The following ARHGAP33 variants were observed in gnomAD, a reference collection of about 807,000 sequenced individuals.
ARHGAP33 encodes Rho GTPase activating protein 33.
A neutral mutation model predicts 126.2 loss-of-function variants in ARHGAP33; 57 were observed. That is an observed-to-expected ratio of 0.45 (90% CI 0.36 to 0.56). The LOEUF is 0.56. Among genes scored for constraint, ARHGAP33 ranks in the 20% least tolerant of loss-of-function variants. The pLI, the probability that ARHGAP33 is intolerant of heterozygous loss-of-function variation, is 0.00. For missense variants in ARHGAP33, 1,500 were observed against 1,748.3 expected, an observed-to-expected ratio of 0.86 and a Z score of 2.53; for synonymous variants, 711 against 755.0, an observed-to-expected ratio of 0.94 and a Z score of 0.95.
At position 35,782,406 on chromosome 19, in the gene ARHGAP33, G is replaced by A. The variant is rs35297478; in HGVS notation, c.1119G>A (p.Leu373=). ...HEFDSERIPE[L]SGPAFLQDIH... ...TTGACAGTGAGAGGATCCCGGAGCTGTCTGGCCCTGCATTCCTGCAGGACA... is the reference window on the plus strand; with the variant it reads ...TTGACAGTGAGAGGATCCCGGAGCTATCTGGCCCTGCATTCCTGCAGGACA... The change falls in exon 13 of 21, where the codon CTG becomes CTA. Residue 373 remains leucine (L), a synonymous_variant. Transcript: ENST00000007510. The surrounding 1 kb of genome is among the most constrained non-coding windows in gnomAD (Gnocchi z 4.1). 0.11 allele frequency: 172,269 copies of A among 1,611,142 alleles called. 10,580 individuals carry two copies. Among genetic ancestry groups the A allele is most frequent in the Admixed American group, 0.22 (13,001 of 59,974 alleles).
rs1243844279 is a variant in ARHGAP33, at chr19:35,782,547, G to A, written c.1230+30G>A. On this transcript the variant is annotated intron_variant, in intron 13 of 20. Transcript: ENST00000007510. The surrounding 1 kb of genome is among the most constrained non-coding windows in gnomAD (Gnocchi z 4.1). Reference sequence around the variant, plus strand: ...GTAAGGGAGCTGGCGGGACGGAGGGGGCCGGGACGCCTCTGGCCCAGACCT... The same window carrying A: ...GTAAGGGAGCTGGCGGGACGGAGGGAGCCGGGACGCCTCTGGCCCAGACCT... 9.9e-6 allele frequency: 16 copies of A among 1,613,516 alleles called. No individual in the cohort carries two copies. In the East Asian group the frequency reaches 2.7e-4, roughly 27 times the overall value.
chr19:35,775,856 C>T (rs1434319578), intron 1 of ARHGAP33, among the ~76,000 whole-genome samples, 192 bp downstream of exon 1: 3 of 152,136 alleles, frequency 2.0e-5, no homozygotes, highest in African/African-American at 4.8e-5. Flanking sequence ...GCGCGCATCC[C>T]CGTCTTCCAC....
At position 35,780,347 on chromosome 19, in the gene ARHGAP33, G is replaced by A. The variant is rs766268446; in HGVS notation, c.624+14G>A. 1.2e-6 allele frequency: 2 copies of A among 1,613,372 alleles called. No individual in the cohort carries two copies. Among genetic ancestry groups the A allele is most frequent in the East Asian group, 4.5e-5 (2 of 44,848 alleles). On this transcript the variant is annotated intron_variant, in intron 7 of 20. Coordinates refer to ENST00000007510, the MANE Select transcript of ARHGAP33 (RefSeq NM_001366178.1). ...CTGTCCTTTGAGGTGAGGCTGTGGG[G>A]AAGCAGATTCCAGCTGGGCTCCCCA...
chr19:35,781,914 G>A (rs1971812133), intron 12 of ARHGAP33, among the ~76,000 whole-genome samples: 2 of 152,144 alleles, frequency 1.3e-5, no homozygotes, highest in Admixed American at 1.3e-4. Context: ...TGAGAGGGGA[G>A]TGCTTGAAGC....
Position 35,786,004 on chromosome 19 carries a change from A to C in ARHGAP33, c.1943-409A>C, listed in dbSNP as rs1402919537. ...TTGGCTTTTTCTCCATCGCTACCTCACAGCCCGCCGCGCTGCTGGGTGCTG... is the reference window on the plus strand; with the variant it reads ...TTGGCTTTTTCTCCATCGCTACCTCCCAGCCCGCCGCGCTGCTGGGTGCTG... On this transcript the variant is annotated intron_variant, in intron 19 of 20. Transcript: ENST00000007510. This position sits in a 1 kb window ranked among gnomAD's most constrained non-coding sequence, Gnocchi z 7.0. 9.0e-7 allele frequency: 1 copy of C among 1,105,256 alleles called. No individual in the cohort carries two copies. Among genetic ancestry groups the C allele is most frequent in the Non-Finnish European group, 1.1e-6 (1 of 905,468 alleles). The allele number at this position is 1,105,256 out of a possible 1,614,324, so 68.5% of individuals were successfully genotyped here.
Position 35,787,847 on chromosome 19 carries a change from G to A in ARHGAP33, c.3282G>A (p.Gly1094=), listed in dbSNP as rs142512331. The A allele has an allele frequency of 5.6e-6, 9 of 1,608,632 alleles. No individual in the cohort carries two copies. The African/African-American group carries it at 8.0e-5, about 14-fold the overall frequency. Residue 1094 remains glycine, a synonymous_variant, in exon 21 of 21, where the codon GGG becomes GGA. Transcript: ENST00000007510. The part of the protein sequence containing the change: ...NLYYEIGASE[G]SPYSGPTRSW... ...ACTATGAGATCGGGGCAAGTGAGGGGTCCCCCTATTCTGGCCCCACCCGCT... is the reference window on the plus strand; with the variant it reads ...ACTATGAGATCGGGGCAAGTGAGGGATCCCCCTATTCTGGCCCCACCCGCT...
chr19:35,786,052 T>G lies in ARHGAP33; in HGVS notation c.1943-361T>G. ...CTGCTCTCCGACCTCTGCGGGGGGC[T>G]GCTTATCCACCCCACCCAGCCGTGC... is the stretch of plus-strand genomic sequence containing the variant. On this transcript the variant is annotated intron_variant, in intron 19 of 20. Coordinates refer to ENST00000007510, the MANE Select transcript of ARHGAP33 (RefSeq NM_001366178.1). The surrounding 1 kb of genome is among the most constrained non-coding windows in gnomAD (Gnocchi z 7.0). The G allele has an allele frequency of 8.6e-7, 1 of 1,165,404 alleles. No individual in the cohort carries two copies. The highest frequency in any genetic ancestry group is 1.1e-6 in the Non-Finnish European group (1 of 942,866). 72.2% of individuals were successfully genotyped at this position (1,165,404 alleles called of 1,614,324 possible). A position where few individuals can be genotyped will look rare whatever the true frequency, so the allele number is the denominator to read the frequency against.
rs764203709 is a variant in ARHGAP33 at position 35,787,630 on chromosome 19, C to T, written c.3065C>T (p.Ser1022Phe). ...GAGGCAGCAGCCCAGTCCCCATGTT[C>T]TGTCCCCTCACAGGTTCCTACCCCC... ...APEAAAQSPC[S>F]VPSQVPTPGF... is the part of the protein sequence containing the mutation. Residue 1022 changes from serine to phenylalanine, a missense_variant, in exon 21 of 21, where the codon TCT becomes TTT. Transcript: ENST00000007510. 3 of 1,598,340 alleles carry T rather than the reference C, an allele frequency of 1.9e-6. No individual in the cohort carries two copies. The Admixed American group carries it at 5.5e-5, about 29-fold the overall frequency.
At position 35,785,011 on chromosome 19, in the gene ARHGAP33, G is replaced by A. The variant is rs1255604031; in HGVS notation, c.1626G>A (p.Leu542=). Residue 542 remains leucine, a synonymous_variant, in exon 17 of 21, where the codon CTG becomes CTA. Coordinates refer to ENST00000007510, the MANE Select transcript of ARHGAP33 (RefSeq NM_001366178.1). Reference sequence around the variant, plus strand: ...CGGGCAGCTGCCCCTCCACCCGCCTGCTGACGCTGGAGGAAGCCCAGGCAC... The same window carrying A: ...CGGGCAGCTGCCCCTCCACCCGCCTACTGACGCTGGAGGAAGCCCAGGCAC... ...SLAGSCPSTR[L]LTLEEAQART... 1.3e-6 allele frequency: 2 copies of A among 1,549,218 alleles called. No homozygotes were observed. Among genetic ancestry groups the A allele is most frequent in the Non-Finnish European group, 1.7e-6 (2 of 1,147,264 alleles).
intron 6 of ARHGAP33, 200 bp from the exon 7 acceptor site, chr19:35,780,011 T>A (rs747747122): frequency 7.9e-6 from 6 of 756,836 alleles, no homozygotes; most frequent in Non-Finnish European, 1.4e-5. Flanking sequence ...AAGGGGTTTT[T>A]CTTAGAGGTT....
chr19:35,776,611 G>T (rs1208911790), intron 1 of ARHGAP33, among the ~76,000 whole-genome samples: 2 of 152,226 alleles, frequency 1.3e-5, no homozygotes, highest in Non-Finnish European at 2.9e-5. Flanking sequence ...TGCTGCGCGC[G>T]ACTGGGCTGG....
chr19:35,782,350 C>G lies in ARHGAP33; in HGVS notation c.1086-23C>G. The G allele has an allele frequency of 6.3e-7, 1 of 1,591,080 alleles. No individual in the cohort carries two copies. Among genetic ancestry groups the G allele is most frequent in the Non-Finnish European group, 8.6e-7 (1 of 1,162,230 alleles). ...GAGCCCCTCTGACCTGGATCTTCCT[C>G]CTCCTTGACACGGTGGTCTCAGGCA... On this transcript the variant is annotated intron_variant, in intron 12 of 20. Coordinates refer to ENST00000007510, the MANE Select transcript of ARHGAP33 (RefSeq NM_001366178.1). The surrounding 1 kb of genome is among the most constrained non-coding windows in gnomAD (Gnocchi z 4.1).
Position 35,787,660 on chromosome 19 carries a change from T to G in ARHGAP33, c.3095T>G (p.Phe1032Cys). Reference sequence around the variant, plus strand: ...CCCTCACAGGTTCCTACCCCCGGCTTCTTCTCCCCAGCCCCCAGGGAGTGC... The same window carrying G: ...CCCTCACAGGTTCCTACCCCCGGCTGCTTCTCCCCAGCCCCCAGGGAGTGC... ...SVPSQVPTPG[F>C]FSPAPRECLP... Residue 1032 changes from phenylalanine to cysteine, a missense_variant, in exon 21 of 21, where the codon TTC becomes TGC. Coordinates refer to ENST00000007510, the MANE Select transcript of ARHGAP33 (RefSeq NM_001366178.1). The G allele has an allele frequency of 1.9e-6, 3 of 1,592,896 alleles. No homozygotes were observed. Among genetic ancestry groups the G allele is most frequent in the East Asian group, 2.2e-5 (1 of 44,628 alleles).
intron 16 of ARHGAP33, chr19:35,784,714 A>G: frequency 7.7e-7 from 1 of 1,296,332 alleles, no homozygotes; most frequent in Non-Finnish European, 9.7e-7. Flanking sequence ...GAGGTAACTG[A>G]AGCCAGAGCC....
intron 10 of ARHGAP33, 43 bp from the exon 11 acceptor site, chr19:35,780,877 C>A (rs973867667): frequency 4.3e-6 from 7 of 1,612,208 alleles, no homozygotes; most frequent in South Asian, 1.1e-5. Context: ...GCCATGCTGA[C>A]CCCACAAGAC....
At chr19:35,781,115 G>A (rs1971751507) in intron 11 of ARHGAP33, 35 bp from the exon 12 acceptor site, 1 of 1,607,126 alleles carries the variant, frequency 6.2e-7, no homozygotes. Context: ...CACCAGGGCT[G>A]CGGCCCACCC....
At position 35,784,182 on chromosome 19, in the gene ARHGAP33, C is replaced by G; in HGVS notation, c.1432C>G (p.Leu478Val). ...WAPNLLRSMELESVGMGGAAA... is the reference protein window; with the variant it reads ...WAPNLLRSMEVESVGMGGAAA... ...GCTCCTCCCACCCAGGTCCATGGAG[C>G]TGGAGTCAGTGGGAATGGGTGGCGC... Residue 478 changes from leucine to valine, a missense_variant, in exon 16 of 21, where the codon CTG becomes GTG. Around this residue, in one of 6 missense-constraint regions of ARHGAP33, gnomAD observed 281 missense variants for 413.7 expected, o/e 0.68. Transcript: ENST00000007510. 1 of 1,611,580 alleles carries G rather than the reference C, an allele frequency of 6.2e-7. No individual in the cohort carries two copies. Among genetic ancestry groups the G allele is most frequent in the South Asian group, 1.1e-5 (1 of 90,900 alleles).
intron 16 of ARHGAP33, chr19:35,784,646 G>T (rs1381523224): frequency 1.5e-5 from 2 of 130,164 alleles, no homozygotes. Context: ...CAGACTCCCC[G>T]CCCTGCCCCG....
chr19:35,782,318 C>G lies in ARHGAP33; in HGVS notation c.1086-55C>G, dbSNP rs558818884. On this transcript the variant is annotated intron_variant, in intron 12 of 20. Transcript: ENST00000007510. This position sits in a 1 kb window ranked among gnomAD's most constrained non-coding sequence, Gnocchi z 4.1. ...GGTAGGGGCAAGGGGAGCATGGCCA[C>G]GTGAGCGAGCCCCTCTGACCTGGAT... The G allele has an allele frequency of 2.6e-6, 4 of 1,564,746 alleles. No individual in the cohort carries two copies. The East Asian group carries it at 6.8e-5, about 27-fold the overall frequency.
Sources: gnomAD v4.1 joint callset for allele counts (sites outside exome capture counted in the v4.1 genomes callset) on GRCh38, gnomAD v4.1.1 for gene constraint, gnomAD v4.1.1 regional missense constraint, Gnocchi (gnomAD v3.1) non-coding constraint, MANE v1.5 for transcripts, NCBI Gene and HGNC (gene_info 2026-07-23, HGNC 2026-07-21) for gene names.